Variants in TRPM2 observed in about 807,000 individuals in gnomAD.
The protein encoded by TRPM2 is transient receptor potential cation channel subfamily M member 2.
Under a neutral mutation model 174.0 loss-of-function variants are expected in TRPM2, and 161 were observed. The observed-to-expected ratio is 0.93, with a 90% CI of 0.81 to 1.05. TRPM2 has a LOEUF of 1.05. Ranked by LOEUF, TRPM2 falls within the 50% of genes least tolerant of loss-of-function variation. The pLI is 0.00. For synonymous variants in TRPM2, 954 were observed against 861.3 expected, an observed-to-expected ratio of 1.11 and a Z score of -1.88; for missense variants, 2,057 against 2,038.0, an observed-to-expected ratio of 1.01 and a Z score of -0.18.
intron 8 of TRPM2, among the ~76,000 whole-genome samples, chr21:44,379,528 C>T (rs377660713): frequency 3.3e-5 from 5 of 152,198 alleles, no homozygotes; most frequent in African/African-American, 4.8e-5. Context: ...AGGCCTCAGC[C>T]GAGTCGGGCA....
rs45542541 is a variant in TRPM2 at position 44,412,474 on chromosome 21, C to G, written c.2963-1417C>G. Among the ~76,000 whole-genome samples, 1,052 of 152,022 alleles carry G rather than the reference C, an allele frequency of 6.9e-3. 6 individuals carry two copies. The highest frequency in any genetic ancestry group is 0.01 in the Non-Finnish European group (690 of 67,992). Reference sequence around the variant, plus strand: ...TCATTTCTGATTTTAGCAATTTGAGCCTTCTCTCTTTTTTTCCTTGATCAG... The same window carrying G: ...TCATTTCTGATTTTAGCAATTTGAGGCTTCTCTCTTTTTTTCCTTGATCAG... On this transcript the variant is annotated intron_variant, in intron 19 of 31. Coordinates refer to ENST00000397928, the MANE Select transcript of TRPM2 (RefSeq NM_003307.4).
Position 44,391,508 on chromosome 21 carries a change from C to A in TRPM2, c.1677C>A (p.His559Gln), listed in dbSNP as rs1384846718. The change falls in exon 11 of 32, where the codon CAC becomes CAA. Residue 559 changes from histidine to glutamine, a missense_variant. By Grantham distance (24) the His-to-Gln change is conservative. Coordinates refer to ENST00000397928, the MANE Select transcript of TRPM2 (RefSeq NM_003307.4). The surrounding 1 kb of genome is among the most constrained non-coding windows in gnomAD (Gnocchi z 5.0). ...CCGCGGCGCCCCGCCTGCAGATGCA[C>A]CACGTGGCCCAGGTGCTGCGGGAGC... ...CAPAAPRLQM[H>Q]HVAQVLRELL... The A allele has an allele frequency of 1.2e-6, 2 of 1,609,894 alleles. No homozygotes were observed.
At chr21:44,426,595 T>C (rs570902396) in intron 25 of TRPM2, 65 bp from the exon 26 acceptor site, 5 of 1,556,674 alleles carry the variant, frequency 3.2e-6, no homozygotes, top group East Asian at 2.2e-5. Context: ...CCTTTCACCC[T>C]GGTGCCTGGC....
intron 2 of TRPM2, among the ~76,000 whole-genome samples, chr21:44,363,210 A>G (rs983239336): frequency 4.6e-5 from 7 of 152,182 alleles, no homozygotes; most frequent in Admixed American, 4.6e-4. Context: ...TTTGTCAAAT[A>G]TGGGAAATTT....
chr21:44,383,588 G>A (rs187292873), intron 9 of TRPM2, among the ~76,000 whole-genome samples: 16 of 152,264 alleles, frequency 1.1e-4, no homozygotes, highest in East Asian at 9.6e-4. Context: ...CACAAACAGC[G>A]AGATGATAGA....
At chr21:44,404,371 A>G (rs2049783459) in intron 16 of TRPM2, among the ~76,000 whole-genome samples, 1 of 87,058 alleles carries the variant, frequency 1.1e-5, no homozygotes. Context: ...TACAGAATGC[A>G]CACATACATA....
At chr21:44,373,017 G>A (rs1399128756) in intron 5 of TRPM2, among the ~76,000 whole-genome samples, 3 of 152,074 alleles carry the variant, frequency 2.0e-5, no homozygotes, top group African/African-American at 7.2e-5. Flanking sequence ...GTCCTCCTTT[G>A]AATGCCATAG....
rs45611537 is a variant in TRPM2, at chr21:44,424,897, C to T, written c.3595C>T (p.Arg1199Trp). The T allele has an allele frequency of 5.0e-4, 803 of 1,607,674 alleles. 3 individuals are homozygous for T. The African/African-American group carries it at 9.0e-3, about 18-fold the overall frequency. The change falls in exon 24 of 32, where the codon CGG becomes TGG. Residue 1199 changes from arginine to tryptophan, a missense_variant. Coordinates refer to ENST00000397928, the MANE Select transcript of TRPM2 (RefSeq NM_003307.4). ...QALHWIVRTL[R>W]ASGFSSEADV... ...CCTGCACTGGATCGTGAGGACGCTG[C>T]GGGCCAGCGGCTTCAGCTCGGAGGC...
Position 44,441,945 on chromosome 21 carries a change from C to T in TRPM2, c.*128C>T, listed in dbSNP as rs549882690. On this transcript the variant is annotated 3_prime_UTR_variant, in exon 32 of 32. Coordinates refer to ENST00000397928, the MANE Select transcript of TRPM2 (RefSeq NM_003307.4). ...TGCACATGATGGGGTTTGGTGGACC[C>T]AGTGCCCCTCACGGCTGCCGCAAGT... 4.3e-4 allele frequency: 572 copies of T among 1,321,856 alleles called. 3 individuals carry two copies. In the South Asian group the frequency reaches 5.9e-3, roughly 14 times the overall value. 81.9% of individuals were successfully genotyped at this position (1,321,856 alleles called of 1,614,324 possible). A position where few individuals can be genotyped will look rare whatever the true frequency, so the allele number is the denominator to read the frequency against.
chr21:44,395,364 C>T, intron 11 of TRPM2, 50 bp from the exon 12 acceptor site: 1 of 1,599,414 alleles, frequency 6.3e-7, no homozygotes, highest in Non-Finnish European at 8.5e-7. Flanking sequence ...CCGCCAGTGA[C>T]TCTGAGCCAG....
At chr21:44,440,581 G>T (rs1213218828) in intron 30 of TRPM2, among the ~76,000 whole-genome samples, 1 of 152,260 alleles carries the variant, frequency 6.6e-6, no homozygotes, top group Non-Finnish European at 1.5e-5. Context: ...TGCAGGGCAA[G>T]GACGTGTCTG....
chr21:44,400,043 C>A (rs1193298922), intron 14 of TRPM2, among the ~76,000 whole-genome samples: 1 of 152,162 alleles, frequency 6.6e-6, no homozygotes, highest in Non-Finnish European at 1.5e-5. Flanking sequence ...GCCTTCGAAG[C>A]CAGCAGAGAT....
intron 5 of TRPM2, among the ~76,000 whole-genome samples, chr21:44,374,743 G>A (rs751984586): frequency 1.2e-4 from 19 of 152,228 alleles, no homozygotes; most frequent in Non-Finnish European, 2.5e-4. Flanking sequence ...GATGGGGAGC[G>A]GCTGTAAATA....
At chr21:44,408,662 T>A (rs1169141519) in intron 19 of TRPM2, among the ~76,000 whole-genome samples, 1 of 149,102 alleles carries the variant, frequency 6.7e-6, no homozygotes, top group Non-Finnish European at 1.5e-5. Context: ...CCCTTTTTTT[T>A]TTTTTTTTTT....
At position 44,399,278 on chromosome 21, in the gene TRPM2, T is replaced by C. The variant is rs1372972495; in HGVS notation, c.2063-18T>C. The C allele has an allele frequency of 6.2e-7, 1 of 1,605,928 alleles. No individual in the cohort carries two copies. The highest frequency in any genetic ancestry group is 1.1e-5 in the South Asian group (1 of 90,418). On this transcript the variant is annotated intron_variant, in intron 13 of 31. Transcript: ENST00000397928. The surrounding 1 kb of genome is among the most constrained non-coding windows in gnomAD (Gnocchi z 4.6). The stretch of plus-strand genomic sequence containing the variant: ...TTGTGACCTGCTGCTCTGACGGGGC[T>C]CTCATATCTCCGCCCAGGGGTCTTC...
At chr21:44,383,992 A>T (rs2048953293) in intron 9 of TRPM2, among the ~76,000 whole-genome samples, 1 of 152,232 alleles carries the variant, frequency 6.6e-6, no homozygotes, top group Non-Finnish European at 1.5e-5. Context: ...AGAATGAAGG[A>T]AATAGTACAG....
intron 16 of TRPM2, among the ~76,000 whole-genome samples, chr21:44,403,888 A>T (rs1191795413): frequency 6.6e-6 from 1 of 151,284 alleles, no homozygotes; most frequent in African/African-American, 2.4e-5. Flanking sequence ...ACACATGCAC[A>T]TACATATACA....
At chr21:44,394,108 A>T (rs1278948688) in intron 11 of TRPM2, among the ~76,000 whole-genome samples, 1 of 152,012 alleles carries the variant, frequency 6.6e-6, no homozygotes, top group Non-Finnish European at 1.5e-5. Flanking sequence ...TGACCTTAGG[A>T]TCCACCCATC....
chr21:44,402,114 C>T (rs954699355), intron 16 of TRPM2, among the ~76,000 whole-genome samples: 1 of 152,170 alleles, frequency 6.6e-6, no homozygotes, highest in African/African-American at 2.4e-5. Context: ...CCTGCTTTCC[C>T]TCGGCCCAGG....
Sources: gnomAD v4.1 joint callset for allele counts (sites outside exome capture counted in the v4.1 genomes callset) on GRCh38, gnomAD v4.1.1 for gene constraint, Gnocchi (gnomAD v3.1) non-coding constraint, MANE v1.5 for transcripts, NCBI Gene and HGNC (gene_info 2026-07-23, HGNC 2026-07-21) for gene names.